The following CDH18 variants were observed in gnomAD, a reference collection of about 807,000 sequenced individuals.
CDH18 encodes cadherin-18.
Under a neutral mutation model 67.9 loss-of-function variants are expected in CDH18, and 31 were observed. The observed-to-expected ratio is 0.46, with a 90% CI of 0.34 to 0.62. The LOEUF (loss-of-function observed/expected upper bound fraction) is 0.62, where lower values mean the gene tolerates loss of function less well. Among genes scored for constraint, CDH18 ranks in the 20% least tolerant of loss-of-function variants. The pLI is 0.01. For synonymous variants in CDH18, 362 were observed against 347.2 expected (o/e 1.04, Z -0.48); for missense variants, 890 against 975.5 (o/e 0.91, Z 1.17).
intron 1 of CDH18, among the ~76,000 whole-genome samples, chr5:20,378,297 T>C (rs745626924): frequency 6.6e-6 from 1 of 151,980 alleles, no homozygotes; most frequent in African/African-American, 2.4e-5. Context: ...TCAGCCTCCC[T>C]AGTAGCTGGG....
chr5:19,788,405 G>A (rs1280371013), intron 3 of CDH18, among the ~76,000 whole-genome samples: 1 of 152,108 alleles, frequency 6.6e-6, no homozygotes. Flanking sequence ...AATGAGAAAG[G>A]AATTAAAAAA....
chr5:20,474,974 G>A (rs182034495), intron 1 of CDH18, among the ~76,000 whole-genome samples: 1 of 152,168 alleles, frequency 6.6e-6, no homozygotes, highest in Admixed American at 6.5e-5. Context: ...TAACTTCCCA[G>A]TATATTTGAA....
At chr5:20,547,475 C>A (rs1161250235) in intron 1 of CDH18, among the ~76,000 whole-genome samples, 2 of 151,194 alleles carry the variant, frequency 1.3e-5, no homozygotes, top group African/African-American at 2.4e-5. Context: ...GCAGGAGAAT[C>A]ATTTGAACCC....
At chr5:19,875,455 G>T (rs1279551591) in intron 2 of CDH18, among the ~76,000 whole-genome samples, 1 of 149,636 alleles carries the variant, frequency 6.7e-6, no homozygotes, top group African/African-American at 2.4e-5. Context: ...TCGATCTATA[G>T]ATAGATAGAT....
Position 19,809,253 on chromosome 5 carries a change from TC to T in CDH18, c.228+29505del, listed in dbSNP as rs558212987. Among the ~76,000 whole-genome samples the T allele has an allele frequency of 5.9e-5, 9 of 152,166 alleles. No homozygotes were observed. The East Asian group carries it at 1.7e-3, about 30-fold the overall frequency. ...GAGGACTTAGGGACATGGAGGCCAT[TC>T]CCAACTGTCAGATAGCCCAGTGCCT... On this transcript the variant is annotated intron_variant, in intron 3 of 12. Coordinates refer to ENST00000382275, the MANE Select transcript of CDH18 (RefSeq NM_004934.5).
chr5:20,308,202 T>G (rs1736655159), intron 1 of CDH18, among the ~76,000 whole-genome samples: 2 of 151,856 alleles, frequency 1.3e-5, no homozygotes, highest in Non-Finnish European at 2.9e-5. Context: ...TTGTTCTACT[T>G]CTAAAACATT....
intron 2 of CDH18, among the ~76,000 whole-genome samples, chr5:20,234,260 C>T (rs1309399840): frequency 1.3e-5 from 2 of 152,084 alleles, no homozygotes; most frequent in East Asian, 3.9e-4. Context: ...TTCATTTTCT[C>T]TTGAATATTT....
intron 2 of CDH18, among the ~76,000 whole-genome samples, chr5:19,970,509 ATTGGTATAT>A (rs1226114609): frequency 6.6e-6 from 1 of 151,394 alleles, no homozygotes; most frequent in Admixed American, 6.6e-5. Flanking sequence ...AGTTAGGTAA[ATTGGTATAT>A]TATATAGGAA....
At chr5:19,869,233 C>T (rs1338899101) in intron 2 of CDH18, among the ~76,000 whole-genome samples, 1 of 152,094 alleles carries the variant, frequency 6.6e-6, no homozygotes, top group Non-Finnish European at 1.5e-5. Flanking sequence ...GGAGTAAACA[C>T]ATTAATCATC....
chr5:20,558,407 A>C (rs1358716096), intron 1 of CDH18, among the ~76,000 whole-genome samples: 1 of 152,126 alleles, frequency 6.6e-6, no homozygotes, highest in African/African-American at 2.4e-5. Flanking sequence ...CCAGACTACC[A>C]AGTGAGAAGA....
chr5:20,318,626 T>C (rs1190919405), intron 1 of CDH18, among the ~76,000 whole-genome samples: 1 of 152,144 alleles, frequency 6.6e-6, no homozygotes, highest in East Asian at 1.9e-4. Flanking sequence ...ATGTAAGAAG[T>C]GTCAGCTTCC....
chr5:19,799,959 T>G (rs1028986553), intron 3 of CDH18, among the ~76,000 whole-genome samples: 2 of 152,172 alleles, frequency 1.3e-5, no homozygotes, highest in African/African-American at 4.8e-5. Context: ...TTTTTTCTTC[T>G]TTCTAAAGTC....
rs750917220 is a variant in CDH18 at position 19,666,528 on chromosome 5, G to A, written c.644-53927C>T. Among the ~76,000 whole-genome samples the A allele has an allele frequency of 1.8e-3, 277 of 151,876 alleles. 4 individuals are homozygous for A. Among genetic ancestry groups the A allele is most frequent in the Non-Finnish European group, 1.8e-3 (124 of 67,954 alleles). On this transcript the variant is annotated intron_variant, in intron 5 of 12. Transcript: ENST00000382275. ...TACACCACGAGCCAATGAAGAACACGTGACTAAAAAAGGATTTCCCGAGGA... is the reference window on the plus strand; with the variant it reads ...TACACCACGAGCCAATGAAGAACACATGACTAAAAAAGGATTTCCCGAGGA...
intron 4 of CDH18, among the ~76,000 whole-genome samples, chr5:19,739,002 T>C (rs1465824701): frequency 1.3e-5 from 2 of 152,174 alleles, no homozygotes; most frequent in Admixed American, 6.5e-5. Flanking sequence ...TTAAAAACTA[T>C]GTTGGTTTAT....
At chr5:19,688,553 G>A (rs1761434673) in intron 5 of CDH18, among the ~76,000 whole-genome samples, 1 of 152,042 alleles carries the variant, frequency 6.6e-6, no homozygotes, top group South Asian at 2.1e-4. Flanking sequence ...CTTCCTCTAA[G>A]AAAGCAAATC....
At chr5:20,548,926 T>C (rs1034267842) in intron 1 of CDH18, among the ~76,000 whole-genome samples, 17 of 152,292 alleles carry the variant, frequency 1.1e-4, no homozygotes, top group African/African-American at 3.6e-4. Context: ...CGATTCACAG[T>C]GGTGTAGGAT....
chr5:20,480,463 G>C (rs1752717722), intron 1 of CDH18, among the ~76,000 whole-genome samples: 1 of 152,104 alleles, frequency 6.6e-6, no homozygotes, highest in Non-Finnish European at 1.5e-5. Context: ...TGTTGCCCAG[G>C]CTGGAGTGCA....
At chr5:20,171,045 T>C (rs985836667) in intron 2 of CDH18, among the ~76,000 whole-genome samples, 3 of 107,076 alleles carry the variant, frequency 2.8e-5, no homozygotes, top group East Asian at 3.0e-4. Context: ...TCTCCTTTTT[T>C]TTTTATATAT....
intron 1 of CDH18, among the ~76,000 whole-genome samples, chr5:20,302,721 T>C (rs1736060504): frequency 6.6e-6 from 1 of 152,214 alleles, no homozygotes; most frequent in Admixed American, 6.5e-5. Flanking sequence ...CTTTTCTAAA[T>C]GAGAATGCGC....
Sources: allele counts gnomAD v4.1 joint callset (sites outside exome capture counted in the v4.1 genomes callset), GRCh38; gene constraint gnomAD v4.1.1; transcripts MANE v1.5; gene names NCBI Gene and HGNC (gene_info 2026-07-23, HGNC 2026-07-21).